Variants in GGT7 observed in about 807,000 individuals in gnomAD.
GGT7 encodes glutathione hydrolase 7.
GGT7 carries 30 observed loss-of-function variants against 69.2 expected under a neutral mutation model. That is an observed-to-expected ratio of 0.43 (90% CI 0.32 to 0.59). GGT7 has a LOEUF of 0.59. Ranked by LOEUF, GGT7 falls within the 20% of genes least tolerant of loss-of-function variation. The probability of loss-of-function intolerance (pLI) is 0.05; values close to 1 mark genes in which losing one functional copy is unlikely to be tolerated. For missense variants in GGT7, 733 were observed against 901.1 expected (o/e 0.81, Z 2.39); for synonymous variants, 388 against 391.8 (o/e 0.99, Z 0.12).
At chr20:34,861,889 C>T (rs1266549042) in intron 3 of GGT7, among the ~76,000 whole-genome samples, 2 of 152,142 alleles carry the variant, frequency 1.3e-5, no homozygotes, top group Non-Finnish European at 2.9e-5. Flanking sequence ...AGCTGGACCC[C>T]TGCCAGCTTC....
At position 34,845,170 on chromosome 20, in the gene GGT7, G is replaced by A; in HGVS notation, c.*158C>T. On this transcript the variant is annotated 3_prime_UTR_variant, in exon 15 of 15. Coordinates refer to ENST00000336431, the MANE Select transcript of GGT7 (RefSeq NM_178026.3). The stretch of plus-strand genomic sequence containing the variant: ...CCACCACCACAGGCCTCCTGATGGA[G>A]AATTTTCCAGTTACTCTGGGATTGG... The A allele has an allele frequency of 4.5e-6, 2 of 448,490 alleles. No homozygotes were observed. Among genetic ancestry groups the A allele is most frequent in the Non-Finnish European group, 7.8e-6 (2 of 257,374 alleles). The allele number at this position is 448,490 out of a possible 1,614,324, so 27.8% of individuals were successfully genotyped here.
At chr20:34,856,282 A>G (rs1268471299) in intron 8 of GGT7, among the ~76,000 whole-genome samples, 1 of 152,158 alleles carries the variant, frequency 6.6e-6, no homozygotes, top group Non-Finnish European at 1.5e-5. Flanking sequence ...TTCAGTAAAC[A>G]TGGACCCCAC....
chr20:34,859,418 C>A, intron 7 of GGT7, 25 bp downstream of exon 7: 2 of 1,539,858 alleles, frequency 1.3e-6, no homozygotes, highest in Admixed American at 1.9e-5. Context: ...GGGCATGCCC[C>A]CACCCGCACA....
Position 34,863,574 on chromosome 20 carries a change from C to T in GGT7, c.170-26G>A. 6.8e-7 allele frequency: 1 copy of T among 1,480,552 alleles called. No homozygotes were observed. Among genetic ancestry groups the T allele is most frequent in the Non-Finnish European group, 9.2e-7 (1 of 1,083,964 alleles). 91.7% of individuals were successfully genotyped at this position (1,480,552 alleles called of 1,614,324 possible). A position where few individuals can be genotyped will look rare whatever the true frequency, so the allele number is the denominator to read the frequency against. ...CTGCGGGCAGGCAGCCGGGGTCGGT[C>T]TGGGCATCTCCTATCTGGCCCTGCC... On this transcript the variant is annotated intron_variant, in intron 1 of 14. Transcript: ENST00000336431. This position sits in a 1 kb window ranked among gnomAD's most constrained non-coding sequence, Gnocchi z 4.4.
In GGT7 at chr20:34,862,847, C is replaced by T; in HGVS notation, c.524G>A (p.Gly175Asp). Reference protein sequence around the residue: ...DAAVAAALCLGIVAPHSSGLG... With the variant: ...DAAVAAALCLDIVAPHSSGLG... Reference sequence around the variant, plus strand: ...GCCAGAACTGTGTGGAGCCACGATACCCAAACACAAGGCTGCTGCCACCGC... The same window carrying T: ...GCCAGAACTGTGTGGAGCCACGATATCCAAACACAAGGCTGCTGCCACCGC... Residue 175 changes from glycine (G) to aspartate (D), a missense_variant, in exon 3 of 15, where the codon GGT (glycine) becomes GAT (aspartate). Coordinates refer to ENST00000336431, the MANE Select transcript of GGT7 (RefSeq NM_178026.3). 6.2e-7 allele frequency: 1 copy of T among 1,614,138 alleles called. No homozygotes were observed. The highest frequency in any genetic ancestry group is 8.5e-7 in the Non-Finnish European group (1 of 1,180,022).
intron 1 of GGT7, among the ~76,000 whole-genome samples, chr20:34,870,165 G>T (rs1310751657): frequency 6.6e-6 from 1 of 152,218 alleles, no homozygotes; most frequent in African/African-American, 2.4e-5. Context: ...CTTGGAAGTA[G>T]GATTGGGAGA....
At chr20:34,865,058 G>A (rs1813878171) in intron 1 of GGT7, among the ~76,000 whole-genome samples, 1 of 152,096 alleles carries the variant, frequency 6.6e-6, no homozygotes, top group Non-Finnish European at 1.5e-5. Flanking sequence ...CTGACCCCAG[G>A]TGATCTACCT....
chr20:34,845,065 G>A lies in GGT7; in HGVS notation c.*263C>T. 1.9e-6 allele frequency: 1 copy of A among 513,196 alleles called. No individual in the cohort carries two copies. The highest frequency in any genetic ancestry group is 3.5e-6 in the Non-Finnish European group (1 of 286,200). 31.8% of individuals were successfully genotyped at this position (513,196 alleles called of 1,614,324 possible). ...GAGGTGACACACAGACAGATAGTCT[G>A]ATTCCTCAAGGTCCTGCCTGCCTGG... On this transcript the variant is annotated 3_prime_UTR_variant, in exon 15 of 15. Coordinates refer to ENST00000336431, the MANE Select transcript of GGT7 (RefSeq NM_178026.3).
At chr20:34,853,891 T>C (rs925389617) in intron 10 of GGT7, among the ~76,000 whole-genome samples, 1 of 152,220 alleles carries the variant, frequency 6.6e-6, no homozygotes, top group Admixed American at 6.5e-5. Flanking sequence ...GTTATGTTGC[T>C]AATGAAGCTG....
At chr20:34,859,148 T>C (rs546202003) in intron 7 of GGT7, among the ~76,000 whole-genome samples, 2 of 147,372 alleles carry the variant, frequency 1.4e-5, no homozygotes, top group African/African-American at 5.1e-5. Flanking sequence ...CCAGCCAGGG[T>C]GACACAGCAG....
At chr20:34,854,675 C>T (rs2079459861) in intron 9 of GGT7, 56 bp from the exon 10 acceptor site, 16 of 1,573,964 alleles carry the variant, frequency 1.0e-5, no homozygotes, top group Admixed American at 3.3e-5. Flanking sequence ...AGAACCCACA[C>T]CCAGTGGACT....
At chr20:34,870,847 A>G (rs972714841) in intron 1 of GGT7, among the ~76,000 whole-genome samples, 2 of 151,994 alleles carry the variant, frequency 1.3e-5, no homozygotes, top group Non-Finnish European at 2.9e-5. Flanking sequence ...GCTGGAGTGC[A>G]GTGGAGTGAT....
intron 14 of GGT7, among the ~76,000 whole-genome samples, chr20:34,846,150 C>T (rs1031370024): frequency 6.6e-6 from 1 of 151,924 alleles, no homozygotes; most frequent in Non-Finnish European, 1.5e-5. Flanking sequence ...TGTGGGTCTT[C>T]ATCTCCACCT....
chr20:34,868,685 AG>A (rs1416944635), intron 1 of GGT7, among the ~76,000 whole-genome samples: 5 of 152,238 alleles, frequency 3.3e-5, no homozygotes, highest in African/African-American at 1.2e-4. Context: ...ACCTCTGTGC[AG>A]TAACAGGCAA....
rs1158542852 is a variant in GGT7, at chr20:34,872,659, C to A, written c.157G>T (p.Asp53Tyr). ...GRKDEDAFLGDPDTDPDSFLK... is the reference protein window; with the variant it reads ...GRKDEDAFLGYPDTDPDSFLK... ...CAGCGGGCCTCACCGGTGTCGGGGT[C>A]TCCCAGAAAGGCGTCCTCGTCCTTG... Residue 53 changes from aspartate to tyrosine, a missense_variant, in exon 1 of 15, where the codon GAC becomes TAC. Transcript: ENST00000336431. 1.4e-6 allele frequency: 2 copies of A among 1,478,750 alleles called. No individual in the cohort carries two copies. Among genetic ancestry groups the A allele is most frequent in the Non-Finnish European group, 1.8e-6 (2 of 1,119,570 alleles). The allele number at this position is 1,478,750 out of a possible 1,614,324, so 91.6% of individuals were successfully genotyped here. A position where few individuals can be genotyped will look rare whatever the true frequency, so the allele number is the denominator to read the frequency against.
In GGT7 at chr20:34,863,521, C is replaced by G; in HGVS notation, c.197G>C (p.Arg66Pro). Reference protein sequence around the residue: ...TDPDSFLKSARLQRLPSSSSE... With the variant: ...TDPDSFLKSAPLQRLPSSSSE... ...CGACGACGATGGCAGCCGCTGCAGC[C>G]GTGCAGACTTCAGGAAGGAGTCCGG... The change falls in exon 2 of 15, where the codon CGG becomes CCG. Residue 66 changes from arginine to proline, a missense_variant. By Grantham distance (103) the Arg-to-Pro change is moderately radical. Coordinates refer to ENST00000336431, the MANE Select transcript of GGT7 (RefSeq NM_178026.3). This position sits in a 1 kb window ranked among gnomAD's most constrained non-coding sequence, Gnocchi z 4.4. The G allele has an allele frequency of 1.3e-6, 2 of 1,591,804 alleles. No individual in the cohort carries two copies. The highest frequency in any genetic ancestry group is 1.7e-6 in the Non-Finnish European group (2 of 1,169,246).
At chr20:34,851,607 C>T (rs955237323) in intron 12 of GGT7, among the ~76,000 whole-genome samples, 2 of 152,124 alleles carry the variant, frequency 1.3e-5, no homozygotes, top group South Asian at 2.1e-4. Flanking sequence ...GAGGCTGCTA[C>T]GGGTCACAGG....
chr20:34,861,604 AC>A (rs2079597865), intron 3 of GGT7, 42 bp from the exon 4 acceptor site: 1 of 1,151,856 alleles, frequency 8.7e-7, no homozygotes, highest in Admixed American at 2.7e-5. Context: ...ATAACATGCT[AC>A]CCCTCTGTAC....
intron 10 of GGT7, among the ~76,000 whole-genome samples, chr20:34,853,684 CCAAA>C (rs1184068668): frequency 2.0e-5 from 3 of 152,144 alleles, no homozygotes; most frequent in Non-Finnish European, 2.9e-5. Context: ...CAATTTTCAA[CCAAA>C]CAAAGCTTTA....
Sources: allele counts gnomAD v4.1 joint callset (sites outside exome capture counted in the v4.1 genomes callset), GRCh38; gene constraint gnomAD v4.1.1; non-coding constraint Gnocchi (gnomAD v3.1); transcripts MANE v1.5; gene names NCBI Gene and HGNC (gene_info 2026-07-23, HGNC 2026-07-21).